TTC21B: variants seen among roughly 807,000 people sequenced by gnomAD.
TTC21B encodes tetratricopeptide repeat domain 21B, also known as tetratricopeptide repeat protein 21B.
A neutral mutation model predicts 175.1 loss-of-function variants in TTC21B; 127 were observed. The observed-to-expected ratio is 0.73, with a 90% CI of 0.63 to 0.84. The LOEUF (loss-of-function observed/expected upper bound fraction) is 0.84. TTC21B is among the 40% of genes least tolerant of loss of function. TTC21B has a pLI of 0.00. For missense variants in TTC21B, 1,561 were observed against 1,558.3 expected, an observed-to-expected ratio of 1.00 and a Z score of -0.03; for synonymous variants, 524 against 524.5, an observed-to-expected ratio of 1.00 and a Z score of 0.01.
intron 12 of TTC21B, among the ~76,000 whole-genome samples, chr2:165,924,267 C>G (rs1017184809): frequency 1.3e-5 from 2 of 152,054 alleles, no homozygotes; most frequent in African/African-American, 4.8e-5. Context: ...ACTGTAAATT[C>G]TTATTGCTAG....
intron 24 of TTC21B, among the ~76,000 whole-genome samples, chr2:165,889,547 C>T (rs964539955): frequency 6.6e-5 from 10 of 152,124 alleles, no homozygotes; most frequent in Non-Finnish European, 1.3e-4. Context: ...AAGATTTCCA[C>T]TTGAATAGCT....
chr2:165,912,639 C>T lies in TTC21B; in HGVS notation c.2212-15G>A, dbSNP rs572911984. On this transcript the variant is annotated splice_polypyrimidine_tract_variant and intron_variant, in intron 16 of 28. Coordinates refer to ENST00000243344, the MANE Select transcript of TTC21B (RefSeq NM_024753.5). Reference sequence around the variant, plus strand: ...GCTTCTTCAGGCTAATATTGCCAGACACAAAAAATAAGCAATAAAAAATAG... The same window carrying T: ...GCTTCTTCAGGCTAATATTGCCAGATACAAAAAATAAGCAATAAAAAATAG... 6.3e-7 allele frequency: 1 copy of T among 1,599,948 alleles called. No individual in the cohort carries two copies. Among genetic ancestry groups the T allele is most frequent in the East Asian group, 2.2e-5 (1 of 44,764 alleles).
At chr2:165,891,177 G>A (rs1317932133) in intron 22 of TTC21B, among the ~76,000 whole-genome samples, 189 bp from the exon 23 acceptor site, 1 of 151,956 alleles carries the variant, frequency 6.6e-6, no homozygotes. Flanking sequence ...AAATAATACA[G>A]TTTGGGCTAG....
At chr2:165,922,722 C>G (rs1441253682) in intron 12 of TTC21B, among the ~76,000 whole-genome samples, 2 of 152,008 alleles carry the variant, frequency 1.3e-5, no homozygotes, top group Non-Finnish European at 2.9e-5. Flanking sequence ...ATCCAGAAAT[C>G]CCACTACTAG....
At chr2:165,940,012 C>G (rs775062842) in intron 6 of TTC21B, among the ~76,000 whole-genome samples, 37 of 152,186 alleles carry the variant, frequency 2.4e-4, no homozygotes, top group Non-Finnish European at 4.6e-4. Flanking sequence ...GAATAAATAG[C>G]ACTTCCTATG....
intron 25 of TTC21B, among the ~76,000 whole-genome samples, chr2:165,887,503 A>T (rs1021213959): frequency 3.3e-5 from 5 of 152,100 alleles, no homozygotes; most frequent in African/African-American, 1.2e-4. Context: ...GCCTGGCGAC[A>T]TGGCAAAACC....
chr2:165,881,818 A>G (rs576200604), intron 26 of TTC21B, among the ~76,000 whole-genome samples: 1 of 152,274 alleles, frequency 6.6e-6, no homozygotes, highest in East Asian at 1.9e-4. Context: ...CTGAAAGTAT[A>G]TATTAAAAAT....
Position 165,896,918 on chromosome 2 carries a change from G to A in TTC21B, c.2950+1768C>T, listed in dbSNP as rs1040852481. On this transcript the variant is annotated intron_variant, in intron 22 of 28. Transcript: ENST00000243344. ...TTGTTTGTTTTGTTTTTAATAAAAC[G>A]ATGATTTGCTGGTTGGGAAGCCCTT... Among the ~76,000 whole-genome samples the A allele has an allele frequency of 3.3e-5, 5 of 152,154 alleles. No individual in the cohort carries two copies. In the East Asian group the frequency reaches 5.8e-4, roughly 18 times the overall value.
At chr2:165,899,122 C>T (rs1324976444) in intron 21 of TTC21B, among the ~76,000 whole-genome samples, 7 of 152,070 alleles carry the variant, frequency 4.6e-5, no homozygotes, top group African/African-American at 7.2e-5. Context: ...AATAATGAGA[C>T]GATTCAAAAA....
chr2:165,923,932 T>C (rs1686520112), intron 12 of TTC21B, among the ~76,000 whole-genome samples: 2 of 151,364 alleles, frequency 1.3e-5, no homozygotes, highest in South Asian at 2.1e-4. Context: ...TTGTATTTTT[T>C]TGTAGAGATG....
chr2:165,907,225 C>A (rs1475397472), intron 19 of TTC21B, among the ~76,000 whole-genome samples: 1 of 151,582 alleles, frequency 6.6e-6, no homozygotes, highest in African/African-American at 2.4e-5. Flanking sequence ...GATAATAATT[C>A]AAGTCACTTA....
intron 6 of TTC21B, among the ~76,000 whole-genome samples, chr2:165,935,764 T>A (rs1304441553): frequency 6.6e-6 from 1 of 152,130 alleles, no homozygotes; most frequent in Non-Finnish European, 1.5e-5. Flanking sequence ...TAACAAAATA[T>A]GTGCAAGATT....
intron 1 of TTC21B, 46 bp downstream of exon 1, chr2:165,953,639 C>CTCCG: frequency 7.7e-7 from 1 of 1,299,582 alleles, no homozygotes; most frequent in Non-Finnish European, 1.0e-6. Flanking sequence ...CGCAAAGGAA[C>CTCCG]TCCGCCCGCC....
intron 8 of TTC21B, among the ~76,000 whole-genome samples, chr2:165,930,811 A>T (rs1053717425): frequency 2.2e-5 from 3 of 138,270 alleles, no homozygotes; most frequent in African/African-American, 7.6e-5. Flanking sequence ...AACTAGGACT[A>T]GGATCTGTTT....
intron 28 of TTC21B, among the ~76,000 whole-genome samples, chr2:165,875,920 A>G (rs1233996363): frequency 6.6e-6 from 1 of 151,578 alleles, no homozygotes; most frequent in East Asian, 1.9e-4. Flanking sequence ...TGTACTCTTC[A>G]GTGGTCTTTG....
chr2:165,898,986 G>A (rs553557871), intron 21 of TTC21B, among the ~76,000 whole-genome samples: 173 of 152,268 alleles, frequency 1.1e-3, no homozygotes, highest in African/African-American at 3.9e-3. Flanking sequence ...AGATTGCTCT[G>A]CTTGCAAAAT....
intron 25 of TTC21B, among the ~76,000 whole-genome samples, chr2:165,886,807 A>G (rs1464431835): frequency 1.3e-5 from 2 of 152,198 alleles, no homozygotes; most frequent in Non-Finnish European, 2.9e-5. Context: ...AGCATTCAGT[A>G]GCTATGGCAC....
intron 6 of TTC21B, among the ~76,000 whole-genome samples, chr2:165,935,621 G>C (rs1687101171): frequency 6.6e-6 from 1 of 152,108 alleles, no homozygotes; most frequent in Non-Finnish European, 1.5e-5. Flanking sequence ...CAAGATTGTA[G>C]GATATGAGGT....
chr2:165,881,603 T>G (rs1684838049), intron 26 of TTC21B, among the ~76,000 whole-genome samples: 2 of 152,134 alleles, frequency 1.3e-5, no homozygotes, highest in African/African-American at 2.4e-5. Context: ...TATAATATAT[T>G]CCTATGTCAC....
Sources: gnomAD v4.1 joint callset for allele counts (sites outside exome capture counted in the v4.1 genomes callset) on GRCh38, gnomAD v4.1.1 for gene constraint, MANE v1.5 for transcripts, NCBI Gene and HGNC (gene_info 2026-07-23, HGNC 2026-07-21) for gene names.